CLCF1: variants seen among roughly 807,000 people sequenced by gnomAD.
CLCF1 encodes cardiotrophin-like cytokine factor 1.
Under a neutral mutation model 21.2 loss-of-function variants are expected in CLCF1, and 10 were observed. The observed-to-expected ratio is 0.47, with a 90% CI of 0.29 to 0.80. The LOEUF is 0.80. CLCF1 is among the 30% of genes least tolerant of loss of function. The pLI, the probability that CLCF1 is intolerant of heterozygous loss-of-function variation, is 0.09. For synonymous variants in CLCF1, 115 were observed against 120.5 expected, an observed-to-expected ratio of 0.95 and a Z score of 0.30; for missense variants, 240 against 293.4, an observed-to-expected ratio of 0.82 and a Z score of 1.33.
intron 1 of CLCF1, among the ~76,000 whole-genome samples, chr11:67,371,892 C>T (rs927430168): frequency 1.3e-5 from 2 of 151,996 alleles, no homozygotes; most frequent in Non-Finnish European, 2.9e-5. Context: ...GAGTGTGGGT[C>T]TGTGAATGAA....
In CLCF1 at chr11:67,373,519, C is replaced by T; in HGVS notation, c.16+5G>A. 7.1e-7 allele frequency: 1 copy of T among 1,418,106 alleles called. No individual in the cohort carries two copies. The highest frequency in any genetic ancestry group is 9.3e-7 in the Non-Finnish European group (1 of 1,077,742). The allele number at this position is 1,418,106 out of a possible 1,614,324, so 87.8% of individuals were successfully genotyped here. On this transcript the variant is annotated splice_donor_5th_base_variant and intron_variant, in intron 1 of 2. Transcript: ENST00000312438. ...GGGTCGGGGCCTCGGCCGCCTGGCT[C>T]CTACCTGCTCGGAGGTCCATGGGGC...
chr11:67,369,217 G>A, intron 1 of CLCF1: 2 of 985,380 alleles, frequency 2.0e-6, no homozygotes, highest in Non-Finnish European at 2.4e-6. Flanking sequence ...TTCGGCAGTG[G>A]CCCACCTGGT....
intron 1 of CLCF1, chr11:67,369,388 G>C: frequency 1.0e-6 from 1 of 985,298 alleles, no homozygotes; most frequent in Non-Finnish European, 1.2e-6. Context: ...ACTGCTCCCT[G>C]GGGAGACCAG....
chr11:67,373,578 C>G lies in CLCF1; in HGVS notation c.-39G>C. ...GGCCGGCCGGGTGCGGCTCCTCTCCCGGAGGCTGGCGGAGTGGGAGGGCGA... is the reference window on the plus strand; with the variant it reads ...GGCCGGCCGGGTGCGGCTCCTCTCCGGGAGGCTGGCGGAGTGGGAGGGCGA... On this transcript the variant is annotated 5_prime_UTR_variant, in exon 1 of 3. Transcript: ENST00000312438. The G allele has an allele frequency of 7.5e-7, 1 of 1,340,930 alleles. No individual in the cohort carries two copies. The highest frequency in any genetic ancestry group is 9.6e-7 in the Non-Finnish European group (1 of 1,045,446). 83.1% of individuals were successfully genotyped at this position (1,340,930 alleles called of 1,614,324 possible). A position where few individuals can be genotyped will look rare whatever the true frequency, so the allele number is the denominator to read the frequency against.
rs1168207957 is a variant in CLCF1, at chr11:67,365,195, T to C, written c.619A>G (p.Lys207Glu). The C allele has an allele frequency of 6.2e-7, 1 of 1,614,010 alleles. No homozygotes were observed. The highest frequency in any genetic ancestry group is 8.5e-7 in the Non-Finnish European group (1 of 1,180,028). Reference sequence around the variant, plus strand: ...GCAGCTGCTGGAGGCTGCATCTTCTTCTTGAGCCGGTTGAAGTCCTTGGCC... The same window carrying C: ...GCAGCTGCTGGAGGCTGCATCTTCTCCTTGAGCCGGTTGAAGTCCTTGGCC... ...RSAKDFNRLK[K>E]KMQPPAAAVT... The change falls in exon 3 of 3, where the codon AAG (lysine) becomes GAG (glutamate). Residue 207 changes from lysine to glutamate, a missense_variant. By Grantham distance (56) the Lys-to-Glu change is moderately conservative (BLOSUM62 1). Coordinates refer to ENST00000312438, the MANE Select transcript of CLCF1 (RefSeq NM_013246.3). The surrounding 1 kb of genome is among the most constrained non-coding windows in gnomAD (Gnocchi z 5.0).
intron 2 of CLCF1, among the ~76,000 whole-genome samples, chr11:67,366,372 T>C (rs1429430182): frequency 6.6e-6 from 1 of 152,026 alleles, no homozygotes; most frequent in African/African-American, 2.4e-5. Context: ...AGAGCCCCAT[T>C]TGCCGCTGAC....
intron 2 of CLCF1, among the ~76,000 whole-genome samples, chr11:67,366,666 C>T (rs908046494): frequency 6.6e-5 from 10 of 152,034 alleles, no homozygotes; most frequent in Non-Finnish European, 1.0e-4. Flanking sequence ...AGGCAAGGGC[C>T]CAGGGGGAGG....
chr11:67,365,123 A>G lies in CLCF1; in HGVS notation c.*13T>C. On this transcript the variant is annotated 3_prime_UTR_variant, in exon 3 of 3. Transcript: ENST00000312438. The surrounding 1 kb of genome is among the most constrained non-coding windows in gnomAD (Gnocchi z 5.0). ...AGGGTTTGAAGGGGGAGCGAAGAGGAGAAGGTCAGAAGTCAGAAGCCATGA... is the reference window on the plus strand; with the variant it reads ...AGGGTTTGAAGGGGGAGCGAAGAGGGGAAGGTCAGAAGTCAGAAGCCATGA... 1 of 1,613,592 alleles carries G rather than the reference A, an allele frequency of 6.2e-7. No individual in the cohort carries two copies. The highest frequency in any genetic ancestry group is 8.5e-7 in the Non-Finnish European group (1 of 1,180,006).
upstream of CLCF1, chr11:67,373,691 T>G: frequency 8.0e-7 from 1 of 1,244,054 alleles, no homozygotes; most frequent in South Asian, 3.2e-5. Flanking sequence ...TTTTTTTTTT[T>G]CGGTGTGGGA....
At chr11:67,370,255 A>G (rs1340964321) in intron 1 of CLCF1, 1 of 985,222 alleles carries the variant, frequency 1.0e-6, no homozygotes, top group African/African-American at 1.7e-5. Flanking sequence ...TTGGGAACCC[A>G]ACACAGCTCG....
At chr11:67,369,092 A>G in intron 1 of CLCF1, 2 of 985,090 alleles carry the variant, frequency 2.0e-6, no homozygotes, top group Admixed American at 6.1e-5. Context: ...AATGAAGACT[A>G]GGTTAGGTCT....
rs969183875 is a variant in CLCF1, at chr11:67,370,306, C to G, written c.17-2680G>C. The G allele has an allele frequency of 2.7e-5, 27 of 985,134 alleles. No homozygotes were observed. In the African/African-American group the frequency reaches 4.0e-4, roughly 15 times the overall value. The allele number at this position is 985,134 out of a possible 1,614,324, so 61.0% of individuals were successfully genotyped here. A position where few individuals can be genotyped will look rare whatever the true frequency, so the allele number is the denominator to read the frequency against. ...GAGTGCGTGGTGGGCTTCCTGGAGC[C>G]CTCATCCATCCTCCCTCAGGCTCAT... On this transcript the variant is annotated intron_variant, in intron 1 of 2. Coordinates refer to ENST00000312438, the MANE Select transcript of CLCF1 (RefSeq NM_013246.3).
chr11:67,370,034 C>T (rs548167897), intron 1 of CLCF1: 17 of 985,186 alleles, frequency 1.7e-5, no homozygotes, highest in Non-Finnish European at 2.0e-5. Flanking sequence ...CAGGGGAGAA[C>T]AGAAGGATCC....
upstream of CLCF1, chr11:67,374,004 G>A (rs1438644631): frequency 3.5e-6 from 3 of 845,108 alleles, no homozygotes; most frequent in African/African-American, 1.8e-4. Context: ...ACCGCCCCCT[G>A]CCCCCTGTCC....
rs1202119816 is a variant in CLCF1 at position 67,367,593 on chromosome 11, G to A, written c.50C>T (p.Thr17Met). ...CACTGCAGGGAGGTGCCAGAGCACCGTGCACAGGCACGCTAACATCCCCCA... is the reference window on the plus strand; with the variant it reads ...CACTGCAGGGAGGTGCCAGAGCACCATGCACAGGCACGCTAACATCCCCCA... ...DSWGMLACLCTVLWHLPAVPA... is the reference protein window; with the variant it reads ...DSWGMLACLCMVLWHLPAVPA... Residue 17 changes from threonine (T) to methionine (M), a missense_variant, in exon 2 of 3, where the codon ACG becomes ATG. By Grantham distance (81) the Thr-to-Met change is moderately conservative (BLOSUM62 -1). Coordinates refer to ENST00000312438, the MANE Select transcript of CLCF1 (RefSeq NM_013246.3). 5.6e-6 allele frequency: 9 copies of A among 1,613,708 alleles called. No individual in the cohort carries two copies. Among genetic ancestry groups the A allele is most frequent in the East Asian group, 2.2e-5 (1 of 44,844 alleles).
chr11:67,373,245 C>A (rs575221908), intron 1 of CLCF1, among the ~76,000 whole-genome samples: 1 of 151,762 alleles, frequency 6.6e-6, no homozygotes, highest in Non-Finnish European at 1.5e-5. Context: ...TCCTACGGCC[C>A]GCCTCGCTGG....
chr11:67,364,842 G>A lies in CLCF1; in HGVS notation c.*294C>T, dbSNP rs559107969. On this transcript the variant is annotated 3_prime_UTR_variant, in exon 3 of 3. Coordinates refer to ENST00000312438, the MANE Select transcript of CLCF1 (RefSeq NM_013246.3). ...GCACTGGCCAAGTGGTAGGCAAGAA[G>A]CAGGAGGCCATGAGCGCCTCTGCAC... The A allele has an allele frequency of 2.0e-4, 78 of 386,140 alleles. No homozygotes were observed. The highest frequency in any genetic ancestry group is 1.4e-3 in the African/African-American group (69 of 48,926). The allele number at this position is 386,140 out of a possible 1,614,324, so 23.9% of individuals were successfully genotyped here.
chr11:67,368,462 A>G (rs1056658177), intron 1 of CLCF1: 1 of 985,216 alleles, frequency 1.0e-6, no homozygotes, highest in African/African-American at 1.7e-5. Context: ...GAGTTTGGAC[A>G]TCCCAGGATA....
upstream of CLCF1, chr11:67,373,930 C>T: frequency 2.0e-6 from 2 of 1,003,840 alleles, no homozygotes; most frequent in Non-Finnish European, 1.2e-6. Context: ...CGTCTGAGGA[C>T]TCCCAGGAGC....
Sources: gnomAD v4.1 joint callset for allele counts (sites outside exome capture counted in the v4.1 genomes callset) on GRCh38, gnomAD v4.1.1 for gene constraint, Gnocchi (gnomAD v3.1) non-coding constraint, MANE v1.5 for transcripts, NCBI Gene and HGNC (gene_info 2026-07-23, HGNC 2026-07-21) for gene names.